The following SUMF1 variants were observed in gnomAD, a reference collection of about 807,000 sequenced individuals.
SUMF1 encodes the protein sulfatase modifying factor 1, also known as formylglycine-generating enzyme.
In SUMF1, 48 loss-of-function variants were observed where a neutral mutation model predicts 47.6. The ratio of observed to expected loss-of-function variants is 1.01; its 90% CI spans 0.80 to 1.28. The LOEUF (loss-of-function observed/expected upper bound fraction) is 1.28, where lower values mean the gene tolerates loss of function less well. SUMF1 is among the 50% of genes most tolerant of loss of function. SUMF1 has a pLI of 0.00. For missense variants in SUMF1, 571 were observed against 485.4 expected (o/e 1.18, Z -1.66); for synonymous variants, 230 against 192.1 (o/e 1.20, Z -1.63).
intron 8 of SUMF1, among the ~76,000 whole-genome samples, chr3:4,249,580 C>A (rs1310667591): frequency 1.3e-5 from 2 of 152,150 alleles, no homozygotes; most frequent in African/African-American, 2.4e-5. Context: ...GACTGCTCTA[C>A]CAACTGGTCA....
At chr3:4,329,573 C>T (rs1699009843) in intron 8 of SUMF1, among the ~76,000 whole-genome samples, 1 of 152,210 alleles carries the variant, frequency 6.6e-6, no homozygotes, top group Non-Finnish European at 1.5e-5. Flanking sequence ...CTGCACACAG[C>T]AGCAAGGCCC....
At chr3:4,258,450 A>T (rs1319748503) in intron 8 of SUMF1, among the ~76,000 whole-genome samples, 1 of 132,598 alleles carries the variant, frequency 7.5e-6, no homozygotes, top group East Asian at 2.0e-4. Flanking sequence ...AAAGTGGGCA[A>T]AGGACATGAG....
intron 8 of SUMF1, among the ~76,000 whole-genome samples, chr3:4,252,725 A>C (rs1410906494): frequency 6.6e-6 from 1 of 152,206 alleles, no homozygotes; most frequent in East Asian, 1.9e-4. Context: ...GGGAAAATCC[A>C]TTCTTTCACC....
chr3:4,095,198 G>T (rs1445467374), intron 8 of SUMF1, among the ~76,000 whole-genome samples: 1 of 152,044 alleles, frequency 6.6e-6, no homozygotes, highest in African/African-American at 2.4e-5. Context: ...ATTTTTTACA[G>T]GGTAGACTGT....
At position 4,137,836 on chromosome 3, in the gene SUMF1, G is replaced by T. The variant is rs143949508; in HGVS notation, c.1015-69091C>A. On this transcript the variant is annotated intron_variant and NMD_transcript_variant, in intron 8 of 12. Transcript: ENST00000448413. ...CAACTGCGCAGAAAAAGAAATAAAT[G>T]ATCCAAATTGTAAAAGAAGAAGTAC... 1.3e-3 allele frequency among the ~76,000 whole-genome samples: 202 copies of T among 152,006 alleles called. 2 individuals carry two copies. Among genetic ancestry groups the T allele is most frequent in the African/African-American group, 4.5e-3 (186 of 41,438 alleles).
Position 4,379,859 on chromosome 3 carries a change from A to G in SUMF1, c.955-3470T>C, listed in dbSNP as rs940415273. 1.2e-4 allele frequency among the ~76,000 whole-genome samples: 18 copies of G among 152,186 alleles called. 1 individual carries two copies. In the South Asian group the frequency reaches 3.7e-3, roughly 32 times the overall value. ...CCATCTCAAAAAAAAAAAAAAAAAA[A>G]AAAAAAGATACTAAGTGTGGTAATT... On this transcript the variant is annotated intron_variant, in intron 7 of 8. Transcript: ENST00000272902.
At chr3:4,130,954 C>A (rs959069600) in intron 8 of SUMF1, among the ~76,000 whole-genome samples, 6 of 152,096 alleles carry the variant, frequency 3.9e-5, no homozygotes, top group African/African-American at 1.4e-4. Flanking sequence ...GGTAGGGATG[C>A]TGTTTGGAGC....
At chr3:4,248,922 G>A (rs536790071) in intron 8 of SUMF1, among the ~76,000 whole-genome samples, 5 of 152,320 alleles carry the variant, frequency 3.3e-5, no homozygotes, top group South Asian at 2.1e-4. Flanking sequence ...GACTCAAAGA[G>A]CCCTGACATG....
At chr3:4,404,233 T>A (rs1156568309) in intron 7 of SUMF1, among the ~76,000 whole-genome samples, 1 of 152,210 alleles carries the variant, frequency 6.6e-6, no homozygotes, top group Non-Finnish European at 1.5e-5. Context: ...AAGACATTCA[T>A]CTTCCACTAG....
intron 8 of SUMF1, among the ~76,000 whole-genome samples, chr3:4,177,309 T>A (rs1340205406): frequency 6.6e-6 from 1 of 152,026 alleles, no homozygotes; most frequent in Non-Finnish European, 1.5e-5. Context: ...CCTCAGCAAA[T>A]GTAAAAGAAA....
intron 7 of SUMF1, among the ~76,000 whole-genome samples, chr3:4,410,112 T>C (rs1054939349): frequency 5.3e-5 from 8 of 152,160 alleles, no homozygotes; most frequent in South Asian, 2.1e-4. Flanking sequence ...TGCATGATAT[T>C]CTCCCCCCCA....
In SUMF1 at chr3:4,362,266, G is replaced by A; in HGVS notation, c.1015-12C>T. 1 of 1,611,304 alleles carries A rather than the reference G, an allele frequency of 6.2e-7. No homozygotes were observed. On this transcript the variant is annotated splice_polypyrimidine_tract_variant and intron_variant, in intron 8 of 8. Coordinates refer to ENST00000272902, the MANE Select transcript of SUMF1 (RefSeq NM_182760.4). ...CTGTAACAATAAGACTGTGTAGAGA[G>A]AAAGAGCAAGGTAAGTGCTACTGGG... is the stretch of plus-strand genomic sequence containing the variant.
intron 8 of SUMF1, among the ~76,000 whole-genome samples, chr3:4,225,117 G>C (rs1488021241): frequency 6.6e-6 from 1 of 152,134 alleles, no homozygotes; most frequent in Non-Finnish European, 1.5e-5. Context: ...GAGAAAAAAG[G>C]AAAGGCCCTG....
At chr3:4,261,821 C>T (rs13059260) in intron 8 of SUMF1, among the ~76,000 whole-genome samples, 55,983 of 152,062 alleles carry the variant, frequency 0.37, 11,088 homozygotes, top group Non-Finnish European at 0.45. Context: ...CTAGTGCCTG[C>T]GCTGCTGGCA....
At chr3:4,324,604 A>C (rs1184960554) in intron 8 of SUMF1, among the ~76,000 whole-genome samples, 16 of 152,192 alleles carry the variant, frequency 1.1e-4, no homozygotes. Context: ...GTGGGAGGAG[A>C]GGAAAAAGTC....
intron 8 of SUMF1, among the ~76,000 whole-genome samples, chr3:4,128,536 C>T (rs192476492): frequency 1.8e-4 from 27 of 152,224 alleles, no homozygotes; most frequent in Non-Finnish European, 7.4e-5. Flanking sequence ...GAGGCAGCTG[C>T]CAGGCAAGAT....
At chr3:4,246,825 T>A (rs1696682858) in intron 8 of SUMF1, among the ~76,000 whole-genome samples, 3 of 152,284 alleles carry the variant, frequency 2.0e-5, no homozygotes, top group African/African-American at 7.2e-5. Flanking sequence ...CCCTATGACA[T>A]GAGAATAAGG....
chr3:4,051,269 T>C (rs952501374), intron 9 of SUMF1, among the ~76,000 whole-genome samples: 1 of 152,034 alleles, frequency 6.6e-6, no homozygotes, highest in African/African-American at 2.4e-5. Flanking sequence ...ACCCTTCTGC[T>C]TTATTTCCTA....
chr3:4,396,771 G>A (rs969447324), intron 7 of SUMF1, among the ~76,000 whole-genome samples: 1 of 152,156 alleles, frequency 6.6e-6, no homozygotes, highest in African/African-American at 2.4e-5. Context: ...TCTCCCCACT[G>A]AGAGACAGGA....
Sources: gnomAD v4.1 joint callset for allele counts (sites outside exome capture counted in the v4.1 genomes callset) on GRCh38, gnomAD v4.1.1 for gene constraint, MANE v1.5 for transcripts, NCBI Gene and HGNC (gene_info 2026-07-23, HGNC 2026-07-21) for gene names.